MYO7A: variants seen among roughly 807,000 people sequenced by gnomAD.
MYO7A encodes the protein unconventional myosin-VIIa.
In MYO7A, 210 loss-of-function variants were observed where a neutral mutation model predicts 263.8. The observed-to-expected ratio is 0.80, with a 90% CI of 0.71 to 0.89. The LOEUF (loss-of-function observed/expected upper bound fraction) is 0.89. Ranked by LOEUF, MYO7A falls within the 40% of genes least tolerant of loss-of-function variation. The pLI is 0.00. For missense variants in MYO7A, 2,820 were observed against 2,968.3 expected (o/e 0.95, Z 1.16); for synonymous variants, 1,239 against 1,197.3 (o/e 1.03, Z -0.72).
intron 20 of MYO7A, 33 bp downstream of exon 20, chr11:77,179,162 C>G: frequency 1.9e-6 from 3 of 1,555,010 alleles, no homozygotes; most frequent in Non-Finnish European, 2.6e-6. Flanking sequence ...CTTGCCCAAA[C>G]AGGCCTTTGA....
At chr11:77,208,940 C>T in intron 44 of MYO7A, 137 bp downstream of exon 44, 2 of 691,894 alleles carry the variant, frequency 2.9e-6, no homozygotes, top group Non-Finnish European at 5.0e-6. Context: ...CTGCCAAGAC[C>T]ACTGGAGCCC....
chr11:77,184,163 T>A (rs7102286), intron 26 of MYO7A, among the ~76,000 whole-genome samples: 1 of 152,196 alleles, frequency 6.6e-6, no homozygotes, highest in Non-Finnish European at 1.5e-5. Flanking sequence ...AGGGTGTTGG[T>A]GACAGAGTGG....
intron 14 of MYO7A, among the ~76,000 whole-genome samples, chr11:77,165,406 G>A (rs1244979249): frequency 6.6e-6 from 1 of 152,174 alleles, no homozygotes; most frequent in Non-Finnish European, 1.5e-5. Flanking sequence ...TGTGGTGCAG[G>A]GGAATCTCCC....
chr11:77,207,420 T>G lies in MYO7A; in HGVS notation c.5856+18T>G. On this transcript the variant is annotated intron_variant, in intron 42 of 48. Coordinates refer to ENST00000409709, the MANE Select transcript of MYO7A (RefSeq NM_000260.4). ...CAGACAAGGTGGGTCCTTTGCCACC[T>G]TCGCCAAGGTGGGAGATTTGCTGGG... 6.5e-7 allele frequency: 1 copy of G among 1,534,580 alleles called. No homozygotes were observed. The highest frequency in any genetic ancestry group is 8.9e-7 in the Non-Finnish European group (1 of 1,118,724).
chr11:77,211,043 T>C, intron 44 of MYO7A, 109 bp from the exon 45 acceptor site: 2 of 1,020,774 alleles, frequency 2.0e-6, no homozygotes, highest in South Asian at 3.3e-5. Context: ...GGTGGGCCCA[T>C]GTGCGGGGTA....
intron 2 of MYO7A, 134 bp from the exon 3 acceptor site, chr11:77,142,575 G>A (rs1555051260): frequency 1.3e-6 from 1 of 771,444 alleles, no homozygotes; most frequent in Non-Finnish European, 2.3e-6. Flanking sequence ...GCTAGTAAGT[G>A]TGAGTCCCCT....
At chr11:77,129,333 A>G (rs1257115092) in intron 1 of MYO7A, among the ~76,000 whole-genome samples, 3 of 152,254 alleles carry the variant, frequency 2.0e-5, no homozygotes, top group African/African-American at 7.2e-5. Flanking sequence ...GCTGTGTCCC[A>G]GAGCTCCAGG....
chr11:77,163,045 C>T, intron 14 of MYO7A, 57 bp downstream of exon 14: 1 of 1,586,636 alleles, frequency 6.3e-7, no homozygotes, highest in Non-Finnish European at 8.6e-7. Flanking sequence ...CCTTCCCCTG[C>T]TCCAGCCCAG....
At chr11:77,208,314 C>T (rs755431224) in intron 42 of MYO7A, 116 bp from the exon 43 acceptor site, 32 of 798,384 alleles carry the variant, frequency 4.0e-5, no homozygotes, top group South Asian at 1.3e-4. Flanking sequence ...AAACCCCTTC[C>T]GGCTGGGAGT....
chr11:77,199,939 G>A lies in MYO7A; in HGVS notation c.4852+121G>A, dbSNP rs555598034. Reference sequence around the variant, plus strand: ...GGCTGGGAGATTTATGAAGAAAAGAGGTTTATTTGGCTCACAGTTCTGCAG... The same window carrying A: ...GGCTGGGAGATTTATGAAGAAAAGAAGTTTATTTGGCTCACAGTTCTGCAG... On this transcript the variant is annotated intron_variant, in intron 35 of 48. Transcript: ENST00000409709. The A allele has an allele frequency of 3.6e-6, 4 of 1,113,798 alleles. No homozygotes were observed. The African/African-American group carries it at 4.7e-5, about 13-fold the overall frequency. 69.0% of individuals were successfully genotyped at this position (1,113,798 alleles called of 1,614,324 possible).
intron 2 of MYO7A, among the ~76,000 whole-genome samples, chr11:77,137,712 G>A (rs1555048139): frequency 2.0e-5 from 3 of 152,110 alleles, no homozygotes; most frequent in African/African-American, 4.8e-5. Flanking sequence ...GCTGTCCTGG[G>A]GAGTTCAGGG....
intron 15 of MYO7A, 112 bp from the exon 16 acceptor site, chr11:77,172,636 T>G: frequency 1.4e-6 from 2 of 1,379,474 alleles, no homozygotes; most frequent in Non-Finnish European, 9.9e-7. Context: ...TACCGCCCTG[T>G]CCCTCAAACC....
In MYO7A at chr11:77,204,209, G is replaced by A. The variant is rs1288836733; in HGVS notation, c.5460G>A (p.Gln1820=). ...AGGCATATGTGCAGATCCTGAAGCA[G>A]CTGACCGACAACCACATCAGGTGAG... ...KDEAYVQILK[Q]LTDNHIRYSE... is the part of the protein sequence containing the mutation. Residue 1820 remains glutamine, a synonymous_variant, in exon 39 of 49, where the codon CAG becomes CAA. Transcript: ENST00000409709. 6.3e-7 allele frequency: 1 copy of A among 1,578,092 alleles called. No individual in the cohort carries two copies.
intron 19 of MYO7A, 34 bp downstream of exon 19, chr11:77,177,677 C>T (rs1555080856): frequency 1.9e-6 from 3 of 1,546,708 alleles, no homozygotes; most frequent in Non-Finnish European, 1.8e-6. Context: ...CCCTCCTCAG[C>T]CCACATACAG....
At position 77,147,791 on chromosome 11, in the gene MYO7A, C is replaced by G. The variant is rs111033221; in HGVS notation, c.133-7C>G. 1.5e-5 allele frequency: 24 copies of G among 1,609,138 alleles called. No homozygotes were observed. The African/African-American group carries it at 3.2e-4, about 21-fold the overall frequency. ...GGAGAGCACGCTGACGTTCTGGCTCCCCGCAGGAACACTGGATCTCTCCGC... is the reference window on the plus strand; with the variant it reads ...GGAGAGCACGCTGACGTTCTGGCTCGCCGCAGGAACACTGGATCTCTCCGC... On this transcript the variant is annotated splice_region_variant and splice_polypyrimidine_tract_variant and intron_variant, in intron 3 of 48. Coordinates refer to ENST00000409709, the MANE Select transcript of MYO7A (RefSeq NM_000260.4).
Position 77,177,028 on chromosome 11 carries a change from G to A in MYO7A, c.2188-521G>A, listed in dbSNP as rs114467425. ...ATGCCAGGGTGAGGAACCCAGGCTC[G>A]ACGTGGGGAACCATGAGGTGTCACT... On this transcript the variant is annotated intron_variant, in intron 18 of 48. Transcript: ENST00000409709. Among the ~76,000 whole-genome samples, 934 of 152,270 alleles carry A rather than the reference G, an allele frequency of 6.1e-3. 13 individuals carry two copies. Among genetic ancestry groups the A allele is most frequent in the African/African-American group, 0.021 (881 of 41,548 alleles).
At chr11:77,201,422 T>C (rs1047660108) in intron 35 of MYO7A, 26 bp from the exon 36 acceptor site, 26 of 1,603,086 alleles carry the variant, frequency 1.6e-5, no homozygotes, top group Non-Finnish European at 2.1e-5. Flanking sequence ...TCTGCCCCCA[T>C]GGTCCCACTC....
intron 15 of MYO7A, among the ~76,000 whole-genome samples, chr11:77,169,595 C>T (rs1372457640): frequency 9.2e-5 from 14 of 152,164 alleles, no homozygotes; most frequent in African/African-American, 2.9e-4. Context: ...CAGCAAATAC[C>T]AGGAAGGACA....
chr11:77,173,686 A>C (rs1474619623), intron 16 of MYO7A, among the ~76,000 whole-genome samples: 2 of 152,136 alleles, frequency 1.3e-5, no homozygotes, highest in African/African-American at 4.8e-5. Flanking sequence ...GAGGGAAGGA[A>C]GGCCGGGGAA....
Sources: gnomAD v4.1 joint callset for allele counts (sites outside exome capture counted in the v4.1 genomes callset) on GRCh38, gnomAD v4.1.1 for gene constraint, MANE v1.5 for transcripts, NCBI Gene and HGNC (gene_info 2026-07-23, HGNC 2026-07-21) for gene names.